The following STXBP5L variants were observed in gnomAD, a reference collection of about 807,000 sequenced individuals.
STXBP5L encodes the protein syntaxin binding protein 5L, also known as syntaxin-binding protein 5-like.
A neutral mutation model predicts 144.5 loss-of-function variants in STXBP5L; 65 were observed. The observed-to-expected ratio is 0.45, with a 90% CI of 0.37 to 0.55. The LOEUF (loss-of-function observed/expected upper bound fraction) is 0.55. STXBP5L is among the 20% of genes least tolerant of loss of function. STXBP5L has a pLI of 0.00. For missense variants in STXBP5L, 1,298 were observed against 1,405.5 expected, an observed-to-expected ratio of 0.92 and a Z score of 1.22; for synonymous variants, 505 against 469.6, an observed-to-expected ratio of 1.08 and a Z score of -0.97.
At chr3:121,290,899 TAAGGGTA>T (rs1399833317) in intron 19 of STXBP5L, among the ~76,000 whole-genome samples, 2 of 152,034 alleles carry the variant, frequency 1.3e-5, no homozygotes, top group African/African-American at 2.4e-5. Flanking sequence ...GGAAAACAAC[TAAGGGTA>T]ATAAAAGCCA....
At chr3:121,133,044 G>A (rs1330040196) in intron 7 of STXBP5L, among the ~76,000 whole-genome samples, 1 of 152,082 alleles carries the variant, frequency 6.6e-6, no homozygotes, top group African/African-American at 2.4e-5. Flanking sequence ...ATAATGAGAA[G>A]AAGCATATCA....
intron 2 of STXBP5L, among the ~76,000 whole-genome samples, chr3:120,929,496 A>T (rs1304205646): frequency 6.6e-6 from 1 of 152,134 alleles, no homozygotes; most frequent in Non-Finnish European, 1.5e-5. Flanking sequence ...TATAAATGTA[A>T]TGGCTGTATA....
chr3:121,298,977 TCTC>T (rs747985021), intron 19 of STXBP5L, among the ~76,000 whole-genome samples: 18 of 152,304 alleles, frequency 1.2e-4, no homozygotes, highest in Non-Finnish European at 2.2e-4. Context: ...TTGGGGTTCT[TCTC>T]CTAATTATAA....
chr3:120,959,110 A>T (rs1559911316), intron 3 of STXBP5L, among the ~76,000 whole-genome samples: 1 of 150,862 alleles, frequency 6.6e-6, no homozygotes, highest in African/African-American at 2.4e-5. Flanking sequence ...ATACACCAAA[A>T]ACAGACAGAG....
At chr3:121,399,395 CCTAA>C (rs1193375614) in intron 22 of STXBP5L, among the ~76,000 whole-genome samples, 3 of 152,046 alleles carry the variant, frequency 2.0e-5, no homozygotes, top group Non-Finnish European at 4.4e-5. Flanking sequence ...TTGGGGAGAC[CCTAA>C]CTCAGTGGCA....
At chr3:121,118,565 C>A (rs1175657596) in intron 6 of STXBP5L, among the ~76,000 whole-genome samples, 1 of 151,526 alleles carries the variant, frequency 6.6e-6, no homozygotes, top group Non-Finnish European at 1.5e-5. Flanking sequence ...TAAGTTCAGA[C>A]TTTAAAGACT....
chr3:121,342,400 G>T (rs1312912926), intron 20 of STXBP5L, among the ~76,000 whole-genome samples: 1 of 151,876 alleles, frequency 6.6e-6, no homozygotes, highest in African/African-American at 2.4e-5. Context: ...ACAATGTGCA[G>T]GTTAGTTACA....
intron 5 of STXBP5L, among the ~76,000 whole-genome samples, chr3:121,104,079 A>G (rs1319013455): frequency 1.3e-5 from 2 of 152,186 alleles, no homozygotes; most frequent in Non-Finnish European, 2.9e-5. Flanking sequence ...GTTTATTACA[A>G]TAGTAAATCT....
chr3:120,991,602 C>G (rs936525116), intron 3 of STXBP5L, among the ~76,000 whole-genome samples: 3 of 152,122 alleles, frequency 2.0e-5, no homozygotes, highest in African/African-American at 7.2e-5. Flanking sequence ...CAATGATAGA[C>G]TGGATTAAGA....
At chr3:121,015,484 C>G (rs1945079013) in intron 3 of STXBP5L, among the ~76,000 whole-genome samples, 1 of 152,154 alleles carries the variant, frequency 6.6e-6, no homozygotes, top group African/African-American at 2.4e-5. Flanking sequence ...AAGCCATAAA[C>G]TTACAGAAAC....
intron 5 of STXBP5L, among the ~76,000 whole-genome samples, chr3:121,069,037 T>C (rs1297687265): frequency 6.6e-6 from 1 of 152,146 alleles, no homozygotes; most frequent in Admixed American, 6.6e-5. Flanking sequence ...TGCATAGTTA[T>C]ATGTAATTTT....
At chr3:121,293,321 G>A (rs1205586374) in intron 19 of STXBP5L, among the ~76,000 whole-genome samples, 1 of 152,138 alleles carries the variant, frequency 6.6e-6, no homozygotes, top group Admixed American at 6.5e-5. Flanking sequence ...AATGGGAAGG[G>A]ACACATATGG....
chr3:120,995,814 T>C (rs558505660), intron 3 of STXBP5L, among the ~76,000 whole-genome samples: 1 of 152,168 alleles, frequency 6.6e-6, no homozygotes, highest in Non-Finnish European at 1.5e-5. Context: ...TAGAATAGTT[T>C]ATTATATTGA....
chr3:121,367,573 T>C (rs977170781), intron 20 of STXBP5L, among the ~76,000 whole-genome samples: 6 of 150,148 alleles, frequency 4.0e-5, no homozygotes, highest in African/African-American at 7.3e-5. Flanking sequence ...CTTTCAAGGT[T>C]CTCTCTTTGT....
chr3:120,941,402 C>T (rs1360938944), intron 2 of STXBP5L, among the ~76,000 whole-genome samples: 2 of 151,672 alleles, frequency 1.3e-5, no homozygotes, highest in African/African-American at 4.8e-5. Context: ...TCTGTTCTAA[C>T]ATCCTAGCAT....
chr3:121,327,012 C>T (rs2044169237), intron 20 of STXBP5L, among the ~76,000 whole-genome samples: 1 of 152,066 alleles, frequency 6.6e-6, no homozygotes, highest in Non-Finnish European at 1.5e-5. Context: ...TAGCCATATG[C>T]AGACTTTGAT....
intron 24 of STXBP5L, among the ~76,000 whole-genome samples, chr3:121,414,843 T>C (rs758948079): frequency 6.6e-6 from 1 of 152,218 alleles, no homozygotes; most frequent in Non-Finnish European, 1.5e-5. Context: ...ATTCTGGTTA[T>C]AGTATGGCAG....
intron 20 of STXBP5L, among the ~76,000 whole-genome samples, chr3:121,367,628 G>A (rs932603052): frequency 7.2e-5 from 7 of 97,626 alleles, no homozygotes; most frequent in Admixed American, 6.4e-4. Flanking sequence ...TTTTTAAACA[G>A]GTTCTCACTT....
chr3:121,284,617 G>A (rs1045272989), intron 19 of STXBP5L, among the ~76,000 whole-genome samples: 4 of 152,088 alleles, frequency 2.6e-5, no homozygotes. Context: ...AAATGATGAT[G>A]TCAGTAGGAT....
Sources: allele counts gnomAD v4.1 joint callset (sites outside exome capture counted in the v4.1 genomes callset), GRCh38; gene constraint gnomAD v4.1.1; transcripts MANE v1.5; gene names NCBI Gene and HGNC (gene_info 2026-07-23, HGNC 2026-07-21).